DPY19L2: variants seen among roughly 807,000 people sequenced by gnomAD.
DPY19L2 encodes dpy-19 like 2.
In DPY19L2, 34 loss-of-function variants were observed where a neutral mutation model predicts 97.9. The ratio of observed to expected loss-of-function variants is 0.35; its 90% CI spans 0.26 to 0.46. The LOEUF (loss-of-function observed/expected upper bound fraction) is 0.46. Among genes scored for constraint, DPY19L2 ranks in the 20% least tolerant of loss-of-function variants. The pLI is 1.00. For missense variants in DPY19L2, 623 were observed against 911.4 expected (o/e 0.68, Z 4.07); for synonymous variants, 230 against 307.9 (o/e 0.75, Z 2.65).
At chr12:63,641,658 T>C (rs1892720661) in intron 6 of DPY19L2, among the ~76,000 whole-genome samples, 1 of 152,050 alleles carries the variant, frequency 6.6e-6, no homozygotes, top group Non-Finnish European at 1.5e-5. Context: ...ATTCTCATTA[T>C]TGTATACTGG....
intron 16 of DPY19L2, among the ~76,000 whole-genome samples, chr12:63,584,578 G>A (rs1441213147): frequency 6.6e-6 from 1 of 152,142 alleles, no homozygotes; most frequent in Non-Finnish European, 1.5e-5. Context: ...CATCCTACCT[G>A]GGATATGACT....
intron 7 of DPY19L2, 30 bp downstream of exon 7, chr12:63,626,439 T>C: frequency 6.4e-7 from 1 of 1,554,244 alleles, no homozygotes; most frequent in East Asian, 2.3e-5. Flanking sequence ...CCTCTTCTAT[T>C]TCTTAAAAAT....
rs571760343 is a variant in DPY19L2, at chr12:63,658,225, T to C, written c.588+3119A>G. 3.3e-5 allele frequency among the ~76,000 whole-genome samples: 5 copies of C among 152,296 alleles called. No individual in the cohort carries two copies. In the East Asian group the frequency reaches 9.7e-4, roughly 29 times the overall value. On this transcript the variant is annotated intron_variant, in intron 4 of 21. Transcript: ENST00000324472. ...AATATTTTCTCCTGGCCAGGCATGG[T>C]GGCTCACGCCTGTAATCCCAGCACT... is the stretch of plus-strand genomic sequence containing the variant.
intron 19 of DPY19L2, among the ~76,000 whole-genome samples, chr12:63,572,089 G>A (rs947460741): frequency 2.1e-4 from 32 of 152,260 alleles, no homozygotes; most frequent in Admixed American, 9.8e-4. Context: ...CAGCTTGGCC[G>A]CAGTGGGGAG....
chr12:63,626,319 A>G (rs1255072423), intron 7 of DPY19L2, 150 bp downstream of exon 7: 2 of 1,032,296 alleles, frequency 1.9e-6, no homozygotes, highest in South Asian at 2.0e-5. Context: ...TTCAATCAAC[A>G]TGCTTAAAAT....
intron 11 of DPY19L2, among the ~76,000 whole-genome samples, chr12:63,610,989 C>T (rs1421789566): frequency 6.6e-6 from 1 of 151,048 alleles, no homozygotes; most frequent in Non-Finnish European, 1.5e-5. Flanking sequence ...TTCAACATCA[C>T]TTATCATCAG....
Position 63,668,144 on chromosome 12 carries a change from A to C in DPY19L2, c.250T>G (p.Phe84Val). ...AGCTGCGCCAGGGAATTACGGACGAACTGGAAGGGGCCGAGAAGAAAGGTC... is the reference window on the plus strand; with the variant it reads ...AGCTGCGCCAGGGAATTACGGACGACCTGGAAGGGGCCGAGAAGAAAGGTC... ...AKTFLLGPFQ[F>V]VRNSLAQLRE... Residue 84 changes from phenylalanine (F) to valine (V), a missense_variant, in exon 1 of 22, where the codon TTC becomes GTC. Coordinates refer to ENST00000324472, the MANE Select transcript of DPY19L2 (RefSeq NM_173812.5). The C allele has an allele frequency of 6.2e-7, 1 of 1,613,928 alleles. No individual in the cohort carries two copies. The highest frequency in any genetic ancestry group is 8.5e-7 in the Non-Finnish European group (1 of 1,179,956).
Position 63,626,882 on chromosome 12 carries a change from G to A in DPY19L2, c.804-356C>T, listed in dbSNP as rs928293860. 2.0e-5 allele frequency among the ~76,000 whole-genome samples: 3 copies of A among 151,960 alleles called. 1 individual carries two copies. Among genetic ancestry groups the A allele is most frequent in the African/African-American group, 4.8e-5 (2 of 41,372 alleles). ...CAACCTCCGCCTCCTGGGTTCCAAC[G>A]ATTCTCCTGCCTCAGGCTCCCAAGT... is the stretch of plus-strand genomic sequence containing the variant. On this transcript the variant is annotated intron_variant, in intron 6 of 21. Coordinates refer to ENST00000324472, the MANE Select transcript of DPY19L2 (RefSeq NM_173812.5).
At chr12:63,605,579 G>T (rs1345536857) in intron 12 of DPY19L2, among the ~76,000 whole-genome samples, 2 of 152,148 alleles carry the variant, frequency 1.3e-5, no homozygotes, top group African/African-American at 2.4e-5. Context: ...AGGACACACT[G>T]GTAGTAATGA....
intron 6 of DPY19L2, among the ~76,000 whole-genome samples, chr12:63,639,807 T>C (rs1292052225): frequency 2.0e-5 from 3 of 152,140 alleles, no homozygotes; most frequent in Admixed American, 6.5e-5. Context: ...TCCTCAAAGA[T>C]CTAGAACTAG....
Position 63,593,167 on chromosome 12 carries a change from T to C in DPY19L2, c.1580+920A>G, listed in dbSNP as rs1262522973. ...AGGTGCCGGAGAGGATGTGGAGAAATAGGAACACTTTTACACTGTTGGTGG... is the reference window on the plus strand; with the variant it reads ...AGGTGCCGGAGAGGATGTGGAGAAACAGGAACACTTTTACACTGTTGGTGG... On this transcript the variant is annotated intron_variant, in intron 16 of 21. Transcript: ENST00000324472. Among the ~76,000 whole-genome samples the C allele has an allele frequency of 3.9e-5, 6 of 152,100 alleles. No individual in the cohort carries two copies. The East Asian group carries it at 9.7e-4, about 25-fold the overall frequency.
Position 63,668,372 on chromosome 12 carries a change from A to G in DPY19L2, c.22T>C (p.Ser8Pro). Reference sequence around the variant, plus strand: ...CGGCCGGAAGATTGCAGCCGCTTTGAGCTTACTCCTTGTTTTCTCATAATC... The same window carrying G: ...CGGCCGGAAGATTGCAGCCGCTTTGGGCTTACTCCTTGTTTTCTCATAATC... MRKQGVS[S>P]KRLQSSGRSQ... The change falls in exon 1 of 22, where the codon TCA (serine) becomes CCA (proline). Residue 8 changes from serine (S) to proline (P), a missense_variant. Physicochemically the swap from Ser to Pro is moderately conservative, Grantham distance 74. This residue lies in a region of DPY19L2 where 144 missense variants were observed against 119.4 expected (regional missense o/e 1.21). Coordinates refer to ENST00000324472, the MANE Select transcript of DPY19L2 (RefSeq NM_173812.5). The G allele has an allele frequency of 6.2e-7, 1 of 1,612,742 alleles. No homozygotes were observed. The highest frequency in any genetic ancestry group is 8.5e-7 in the Non-Finnish European group (1 of 1,179,618).
rs143773527 is a variant in DPY19L2, at chr12:63,581,388, G to A, written c.1726-552C>T. Among the ~76,000 whole-genome samples the A allele has an allele frequency of 6.7e-3, 1,023 of 151,676 alleles. 15 individuals are homozygous for A. The highest frequency in any genetic ancestry group is 0.024 in the African/African-American group (986 of 41,316). On this transcript the variant is annotated intron_variant, in intron 18 of 21. Transcript: ENST00000324472. ...CCCCAGAATTTCTTATAGATTCTTC[G>A]AGCCAAACAGGATCATATTAGAGCA...
chr12:63,574,902 C>G (rs2137314278), intron 19 of DPY19L2, among the ~76,000 whole-genome samples: 1 of 152,062 alleles, frequency 6.6e-6, no homozygotes, highest in South Asian at 2.1e-4. Flanking sequence ...GACAGGTCAT[C>G]TAGACAGAAA....
chr12:63,668,536 T>C, upstream of DPY19L2: 1 of 863,720 alleles, frequency 1.2e-6, no homozygotes, highest in Non-Finnish European at 1.7e-6. Flanking sequence ...TCATGGCGAC[T>C]GTGAAATGTG....
At chr12:63,621,576 A>C (rs1332933325) in intron 8 of DPY19L2, among the ~76,000 whole-genome samples, 5 of 152,214 alleles carry the variant, frequency 3.3e-5, no homozygotes, top group Non-Finnish European at 7.3e-5. Context: ...TAAATATTTT[A>C]AATACAAAAG....
intron 6 of DPY19L2, among the ~76,000 whole-genome samples, chr12:63,632,421 A>G (rs1890859587): frequency 6.6e-6 from 1 of 152,132 alleles, no homozygotes; most frequent in Non-Finnish European, 1.5e-5. Context: ...TACACCACTA[A>G]TAGACAAACA....
At chr12:63,602,418 G>C (rs1177020151) in intron 12 of DPY19L2, among the ~76,000 whole-genome samples, 4 of 152,088 alleles carry the variant, frequency 2.6e-5, no homozygotes, top group African/African-American at 9.7e-5. Flanking sequence ...AGAAATGGAA[G>C]AAAGGCACAT....
At chr12:63,638,575 G>A (rs989191163) in intron 6 of DPY19L2, among the ~76,000 whole-genome samples, 16 of 152,082 alleles carry the variant, frequency 1.1e-4, no homozygotes, top group African/African-American at 3.9e-4. Flanking sequence ...TAGACAAACA[G>A]AGAGCCAAAT....
Sources: gnomAD v4.1 joint callset for allele counts (sites outside exome capture counted in the v4.1 genomes callset) on GRCh38, gnomAD v4.1.1 for gene constraint, gnomAD v4.1.1 regional missense constraint, MANE v1.5 for transcripts, NCBI Gene and HGNC (gene_info 2026-07-23, HGNC 2026-07-21) for gene names.